Variants in TPO observed in about 807,000 individuals in gnomAD.
TPO encodes the protein thyroid microsomal antigen.
TPO carries 78 observed loss-of-function variants against 96.9 expected under a neutral mutation model. That is an observed-to-expected ratio of 0.81 (90% CI 0.67 to 0.97). The LOEUF (loss-of-function observed/expected upper bound fraction) is 0.97. Ranked by LOEUF, TPO falls within the 50% of genes least tolerant of loss-of-function variation. TPO has a pLI of 0.00. For synonymous variants in TPO, 547 were observed against 538.0 expected (o/e 1.02, Z -0.23); for missense variants, 1,252 against 1,274.8 (o/e 0.98, Z 0.27).
chr2:1,381,463 A>G (rs571777643), intron 1 of TPO, among the ~76,000 whole-genome samples: 2 of 152,280 alleles, frequency 1.3e-5, no homozygotes, highest in African/African-American at 4.8e-5. Flanking sequence ...GAGAACAGCA[A>G]CGAGGGGGTG....
At chr2:1,457,586 G>A (rs1667944868) in intron 7 of TPO, among the ~76,000 whole-genome samples, 1 of 147,236 alleles carries the variant, frequency 6.8e-6, no homozygotes, top group Admixed American at 6.8e-5. Context: ...TGATACTGTG[G>A]GTACACATAT....
At chr2:1,455,974 T>A in intron 6 of TPO, 102 bp from the exon 7 acceptor site, 1 of 1,226,916 alleles carries the variant, frequency 8.2e-7, no homozygotes. Context: ...CCTGGAGCTC[T>A]GTGAACAAGA....
rs768769429 is a variant in TPO, at chr2:1,436,305, C to G, written c.403C>G (p.Pro135Ala). Residue 135 changes from proline to alanine, a missense_variant, in exon 5 of 17, where the codon CCT becomes GCT. Coordinates refer to ENST00000329066, the MANE Select transcript of TPO (RefSeq NM_001206744.2). ...CATTGCAAACATGTCTGGATGTCTC[C>G]CTTACATGCTGCCCCCAAAATGCCC... is the stretch of plus-strand genomic sequence containing the variant. Reference protein sequence around the residue: ...SIIANMSGCLPYMLPPKCPNT... With the variant: ...SIIANMSGCLAYMLPPKCPNT... The G allele has an allele frequency of 6.2e-7, 1 of 1,614,192 alleles. No homozygotes were observed. The highest frequency in any genetic ancestry group is 1.1e-5 in the South Asian group (1 of 91,082).
At chr2:1,523,704 C>T (rs201888213) in intron 15 of TPO, among the ~76,000 whole-genome samples, 1 of 133,040 alleles carries the variant, frequency 7.5e-6, no homozygotes, top group African/African-American at 2.8e-5. Flanking sequence ...CCAAATCCCC[C>T]CCACTGTGTG....
upstream of TPO, among the ~76,000 whole-genome samples, chr2:1,409,357 T>C (rs1662293099): frequency 6.6e-6 from 1 of 152,248 alleles, no homozygotes; most frequent in South Asian, 2.1e-4. Flanking sequence ...TCATATAAAC[T>C]GGGAAATTAC....
At chr2:1,426,789 A>G (rs1038017011) in intron 3 of TPO, among the ~76,000 whole-genome samples, 4 of 152,228 alleles carry the variant, frequency 2.6e-5, no homozygotes, top group Non-Finnish European at 5.9e-5. Context: ...TAAAAGTTTT[A>G]ATAATAATAA....
chr2:1,397,484 A>C (rs986767731), intron 1 of TPO, among the ~76,000 whole-genome samples: 2 of 152,170 alleles, frequency 1.3e-5, no homozygotes, highest in East Asian at 3.9e-4. Context: ...GCCGTGCTCC[A>C]GTGCAGAGGG....
Position 1,477,105 on chromosome 2 carries a change from C to A in TPO, c.839C>A (p.Pro280Gln). 6.2e-7 allele frequency: 1 copy of A among 1,605,786 alleles called. No homozygotes were observed. The change falls in exon 8 of 17, where the codon CCG becomes CAG. Residue 280 changes from proline to glutamine, a missense_variant. Physicochemically the swap from Pro to Gln is moderately conservative, Grantham distance 76 (BLOSUM62 -1). Transcript: ENST00000329066. ...CTGCAGCTCCCGGAGGAGGCCCGGC[C>A]GGCCGCGGGCACCGCCTGTCTGCCC... is the stretch of plus-strand genomic sequence containing the variant. ...FPIQLPEEARPAAGTACLPFY... is the reference protein window; with the variant it reads ...FPIQLPEEARQAAGTACLPFY...
chr2:1,465,997 T>C (rs1162561827), intron 7 of TPO, among the ~76,000 whole-genome samples: 1 of 152,212 alleles, frequency 6.6e-6, no homozygotes, highest in African/African-American at 2.4e-5. Flanking sequence ...GCTTTCAACT[T>C]TTCCCCATTC....
chr2:1,468,962 G>A (rs1376534712), intron 7 of TPO, among the ~76,000 whole-genome samples: 1 of 152,062 alleles, frequency 6.6e-6, no homozygotes, highest in African/African-American at 2.4e-5. Context: ...TTGTCTTTGA[G>A]CTCTGAAGTT....
intron 4 of TPO, 101 bp from the exon 5 acceptor site, chr2:1,436,151 C>T (rs1665546271): frequency 3.1e-6 from 5 of 1,588,630 alleles, no homozygotes; most frequent in Non-Finnish European, 4.3e-6. Flanking sequence ...ATATGAATCC[C>T]AAATTCAGAT....
chr2:1,423,230 A>G (rs1663970778), intron 3 of TPO, 101 bp downstream of exon 3: 3 of 1,061,032 alleles, frequency 2.8e-6, no homozygotes, highest in Non-Finnish European at 4.2e-6. Flanking sequence ...TGCAGATGAA[A>G]ACCTGAAGCT....
chr2:1,542,784 CCTT>C lies in TPO; in HGVS notation c.*313_*315del, dbSNP rs1680902769. On this transcript the variant is annotated 3_prime_UTR_variant, in exon 17 of 17. Transcript: ENST00000329066. The stretch of plus-strand genomic sequence containing the variant: ...CACTCTTGCAATCCTCCTGTCTCCA[CCTT>C]CTGGCATCTCTGATGCCGTGCTCGT... 1 of 647,090 alleles carries C rather than the reference CCTT, an allele frequency of 1.5e-6. No individual in the cohort carries two copies. The highest frequency in any genetic ancestry group is 2.5e-6 in the Non-Finnish European group (1 of 405,320). The allele number at this position is 647,090 out of a possible 1,614,324, so 40.1% of individuals were successfully genotyped here.
At chr2:1,374,353 A>C (rs1661685267) in exon 1 of TPO, 1 of 152,206 alleles carries the variant, frequency 6.6e-6, no homozygotes, top group South Asian at 2.1e-4. Flanking sequence ...TCACTCAGAA[A>C]GGGCTCCGTC....
intron 5 of TPO, chr2:1,438,796 T>G: frequency 4.5e-6 from 3 of 669,500 alleles, no homozygotes; most frequent in East Asian, 5.4e-5. Context: ...TTTTTTTTTT[T>G]GCAAATGCCT....
intron 3 of TPO, 127 bp downstream of exon 3, chr2:1,423,256 A>G: frequency 2.4e-6 from 2 of 820,656 alleles, no homozygotes; most frequent in Non-Finnish European, 4.0e-6. Context: ...TTGTTAATTT[A>G]CTTCCCCAGT....
At chr2:1,377,406 C>T (rs962152813) in intron 1 of TPO, among the ~76,000 whole-genome samples, 3 of 152,186 alleles carry the variant, frequency 2.0e-5, no homozygotes, top group African/African-American at 7.2e-5. Context: ...CAAAAGTTAG[C>T]CTCGAGGAGA....
intron 7 of TPO, among the ~76,000 whole-genome samples, chr2:1,464,104 A>G (rs565308579): frequency 6.6e-6 from 1 of 152,174 alleles, no homozygotes; most frequent in Non-Finnish European, 1.5e-5. Context: ...ACGCCTTTAC[A>G]TCCCCATAGC....
At chr2:1,413,763 G>A in intron 1 of TPO, 1 of 985,078 alleles carries the variant, frequency 1.0e-6, no homozygotes. Context: ...ACCGTCTACT[G>A]AGACACATTC....
Sources: allele counts gnomAD v4.1 joint callset (sites outside exome capture counted in the v4.1 genomes callset), GRCh38; gene constraint gnomAD v4.1.1; transcripts MANE v1.5; gene names NCBI Gene and HGNC (gene_info 2026-07-23, HGNC 2026-07-21).